The following SAMMSON variants were observed in gnomAD, a reference collection of about 807,000 sequenced individuals.
SAMMSON encodes the protein long intergenic non-protein coding RNA 1212.
chr3:70,002,597 T>C (rs2066910407), intron 1 of SAMMSON, among the ~76,000 whole-genome samples: 1 of 152,082 alleles, frequency 6.6e-6, no homozygotes, highest in Non-Finnish European at 1.5e-5. Context: ...TATTATCAAC[T>C]ATCAACTCTG....
At chr3:70,115,461 T>G (rs1028152186) in intron 4 of SAMMSON, among the ~76,000 whole-genome samples, 1 of 152,162 alleles carries the variant, frequency 6.6e-6, no homozygotes, top group Non-Finnish European at 1.5e-5. Context: ...TTCCCCAATA[T>G]TCATGTCTTA....
At chr3:70,006,507 G>A (rs1160306521) in intron 1 of SAMMSON, among the ~76,000 whole-genome samples, 1 of 152,138 alleles carries the variant, frequency 6.6e-6, no homozygotes, top group Non-Finnish European at 1.5e-5. Flanking sequence ...GGTGGAAGTA[G>A]GATTTGTACC....
intron 3 of SAMMSON, among the ~76,000 whole-genome samples, chr3:70,020,533 G>A (rs2067008973): frequency 6.6e-6 from 1 of 152,118 alleles, no homozygotes; most frequent in Non-Finnish European, 1.5e-5. Flanking sequence ...TGTCAAAGAG[G>A]TGGTGGTGTT....
intron 7 of SAMMSON, among the ~76,000 whole-genome samples, chr3:70,304,900 T>A (rs1702385299): frequency 6.6e-6 from 1 of 152,198 alleles, no homozygotes; most frequent in Admixed American, 6.5e-5. Context: ...CCCTTTTTCG[T>A]CATTCCCTTT....
intron 4 of SAMMSON, among the ~76,000 whole-genome samples, chr3:70,120,873 G>C (rs1480059443): frequency 1.3e-5 from 2 of 152,170 alleles, no homozygotes; most frequent in African/African-American, 2.4e-5. Context: ...GGTGTGGGGG[G>C]ATGGTTTCGG....
At chr3:70,266,528 C>T (rs1473153925) in intron 6 of SAMMSON, among the ~76,000 whole-genome samples, 2 of 152,050 alleles carry the variant, frequency 1.3e-5, no homozygotes, top group South Asian at 2.1e-4. Flanking sequence ...TCAAGTGATC[C>T]AGAGTCCTGC....
chr3:70,137,622 A>G (rs1185090773), intron 4 of SAMMSON: 10 of 152,198 alleles, frequency 6.6e-5, no homozygotes. Context: ...CCCAGTCTAC[A>G]CTTACACTGT....
At chr3:70,144,317 T>G (rs534061038) in intron 4 of SAMMSON, among the ~76,000 whole-genome samples, 16 of 152,140 alleles carry the variant, frequency 1.1e-4, no homozygotes, top group African/African-American at 3.9e-4. Flanking sequence ...ATAAAATAAT[T>G]CTCTCTCCCC....
At chr3:70,411,535 A>G (rs1020754847) in intron 2 of SAMMSON, among the ~76,000 whole-genome samples, 3 of 152,142 alleles carry the variant, frequency 2.0e-5, no homozygotes, top group Non-Finnish European at 4.4e-5. Context: ...TATCACAATG[A>G]TATGGTTTGG....
intron 6 of SAMMSON, among the ~76,000 whole-genome samples, chr3:70,276,732 A>T (rs1702030579): frequency 6.6e-6 from 1 of 152,214 alleles, no homozygotes; most frequent in African/African-American, 2.4e-5. Flanking sequence ...TCATTAATTT[A>T]TGTATTATCT....
At chr3:70,011,718 C>A (rs2066956760) in intron 1 of SAMMSON, among the ~76,000 whole-genome samples, 1 of 151,188 alleles carries the variant, frequency 6.6e-6, no homozygotes, top group Admixed American at 6.6e-5. Context: ...CAAAGATTGG[C>A]AAAATCCTAT....
rs6549294 is a variant in SAMMSON, at chr3:70,187,716, C to T, written n.508-61391C>T. ...CTCCCAAAGTGCTGGGATTACAGGCCTGAGCCACCGCGCCCGGCCGGGACC... is the reference window on the plus strand; with the variant it reads ...CTCCCAAAGTGCTGGGATTACAGGCTTGAGCCACCGCGCCCGGCCGGGACC... On this transcript the variant is annotated intron_variant and non_coding_transcript_variant, in intron 4 of 9. Coordinates refer to ENST00000642114, the Ensembl canonical transcript of SAMMSON. Among the ~76,000 whole-genome samples the T allele has an allele frequency of 1.8e-3, 269 of 151,930 alleles. 2 individuals carry two copies. Among genetic ancestry groups the T allele is most frequent in the Middle Eastern group, 0.014 (4 of 294 alleles).
At chr3:70,405,719 C>G (rs1304604653) in intron 2 of SAMMSON, among the ~76,000 whole-genome samples, 2 of 152,094 alleles carry the variant, frequency 1.3e-5, no homozygotes, top group East Asian at 3.9e-4. Flanking sequence ...AGCAGGCAGT[C>G]GAATCTGCAT....
chr3:70,003,356 G>T (rs1228055657), intron 1 of SAMMSON, among the ~76,000 whole-genome samples: 1 of 151,896 alleles, frequency 6.6e-6, no homozygotes, highest in Non-Finnish European at 1.5e-5. Flanking sequence ...ATATATTACA[G>T]AGTGTCTCCT....
intron 6 of SAMMSON, among the ~76,000 whole-genome samples, chr3:70,258,349 G>A (rs374175222): frequency 9.2e-5 from 14 of 151,904 alleles, no homozygotes; most frequent in African/African-American, 2.2e-4. Flanking sequence ...AATAAAAAGC[G>A]AGCATATATG....
intron 4 of SAMMSON, among the ~76,000 whole-genome samples, chr3:70,121,942 A>G (rs551831907): frequency 2.4e-4 from 37 of 152,280 alleles, no homozygotes; most frequent in Admixed American, 2.2e-3. Flanking sequence ...CAGTCCAGGC[A>G]CTTGGTATGA....
chr3:70,350,111 A>C (rs1702782511), intron 7 of SAMMSON, among the ~76,000 whole-genome samples: 1 of 152,210 alleles, frequency 6.6e-6, no homozygotes, highest in South Asian at 2.1e-4. Flanking sequence ...AAGACACCAG[A>C]GGCACTTAAA....
At chr3:70,050,766 C>T (rs73836025) in intron 3 of SAMMSON, among the ~76,000 whole-genome samples, 2,824 of 151,966 alleles carry the variant, frequency 0.019, 91 homozygotes, top group African/African-American at 0.063. Flanking sequence ...TTTGGAGAGG[C>T]GGAGGCATAG....
At chr3:70,131,872 G>A (rs1474492460) in intron 4 of SAMMSON, among the ~76,000 whole-genome samples, 4 of 152,044 alleles carry the variant, frequency 2.6e-5, no homozygotes, top group Admixed American at 6.6e-5. Context: ...GACACTATGC[G>A]TGGTCAGGAT....
Sources: allele counts gnomAD v4.1 joint callset (sites outside exome capture counted in the v4.1 genomes callset), GRCh38; gene constraint gnomAD v4.1.1; transcripts MANE v1.5; gene names NCBI Gene and HGNC (gene_info 2026-07-23, HGNC 2026-07-21).